NMI: variants seen among roughly 807,000 people sequenced by gnomAD.
The protein encoded by NMI is N-myc-interactor.
NMI carries 39 observed loss-of-function variants against 34.3 expected under a neutral mutation model. That is an observed-to-expected ratio of 1.14 (90% CI 0.88 to 1.49). The LOEUF is 1.49. Ranked by LOEUF, NMI falls within the 40% of genes most tolerant of loss-of-function variation. The pLI, the probability that NMI is intolerant of heterozygous loss-of-function variation, is 0.00. For synonymous variants in NMI, 113 were observed against 120.3 expected (o/e 0.94, Z 0.40); for missense variants, 339 against 358.1 (o/e 0.95, Z 0.43).
intron 4 of NMI, among the ~76,000 whole-genome samples, chr2:151,276,767 T>C (rs1306485982): frequency 6.6e-6 from 1 of 152,224 alleles, no homozygotes; most frequent in Non-Finnish European, 1.5e-5. Context: ...GGCTGGAACA[T>C]CAAAGAGTGA....
chr2:151,282,994 A>T (rs1314069730), intron 1 of NMI, 40 bp from the exon 2 acceptor site: 2 of 971,200 alleles, frequency 2.1e-6, no homozygotes, highest in Non-Finnish European at 3.0e-6. Flanking sequence ...CATAGCATAT[A>T]TACACAAATT....
intron 4 of NMI, chr2:151,278,001 T>C (rs1683320294): frequency 6.6e-6 from 1 of 152,234 alleles, no homozygotes. Context: ...TTATCTTCTT[T>C]AAGCTTCTGT....
Position 151,270,676 on chromosome 2 carries a change from T to A in NMI, c.*17A>T. ...AATCCGGGTTAAAAAGCTATAGTTT[T>A]CATGATTCTGTTAAGTCTATTCTTC... On this transcript the variant is annotated 3_prime_UTR_variant, in exon 8 of 8. Transcript: ENST00000243346. 1 of 1,582,038 alleles carries A rather than the reference T, an allele frequency of 6.3e-7. No individual in the cohort carries two copies. The highest frequency in any genetic ancestry group is 8.6e-7 in the Non-Finnish European group (1 of 1,161,272).
At chr2:151,285,901 C>T (rs1683487854) in intron 1 of NMI, among the ~76,000 whole-genome samples, 1 of 151,976 alleles carries the variant, frequency 6.6e-6, no homozygotes, top group Admixed American at 6.6e-5. Flanking sequence ...ACACAGAATC[C>T]ACCTTGAGAT....
chr2:151,272,374 TCA>T (rs1269964782), intron 6 of NMI, among the ~76,000 whole-genome samples: 2 of 152,216 alleles, frequency 1.3e-5, no homozygotes, highest in Non-Finnish European at 2.9e-5. Flanking sequence ...ATGACTCTTC[TCA>T]CTCATCTACC....
At chr2:151,283,150 T>C (rs904296402) in intron 1 of NMI, among the ~76,000 whole-genome samples, 196 bp from the exon 2 acceptor site, 1 of 150,470 alleles carries the variant, frequency 6.6e-6, no homozygotes, top group African/African-American at 2.5e-5. Context: ...CTTTTTTTTT[T>C]CTTTTTTTGA....
At chr2:151,288,119 G>T (rs1339680404) in intron 1 of NMI, among the ~76,000 whole-genome samples, 2 of 152,114 alleles carry the variant, frequency 1.3e-5, no homozygotes, top group Non-Finnish European at 2.9e-5. Context: ...CATGTAGTAG[G>T]CAAAACAATG....
intron 1 of NMI, among the ~76,000 whole-genome samples, chr2:151,286,293 G>T (rs1683494942): frequency 6.6e-6 from 1 of 152,114 alleles, no homozygotes; most frequent in African/African-American, 2.4e-5. Context: ...CAAATTGAGG[G>T]GTTCTACAAT....
At chr2:151,279,048 C>G in intron 3 of NMI, 58 bp from the exon 4 acceptor site, 1 of 1,165,696 alleles carries the variant, frequency 8.6e-7, no homozygotes, top group East Asian at 2.4e-5. Context: ...TAAGTCCTTC[C>G]AATGATAATG....
At chr2:151,280,442 A>G (rs900624286) in intron 3 of NMI, among the ~76,000 whole-genome samples, 2 of 152,164 alleles carry the variant, frequency 1.3e-5, no homozygotes, top group African/African-American at 4.8e-5. Flanking sequence ...GGAACTTCTG[A>G]TTACGGTAAG....
chr2:151,286,893 A>C (rs765830491), intron 1 of NMI, among the ~76,000 whole-genome samples: 1 of 152,008 alleles, frequency 6.6e-6, no homozygotes, highest in Non-Finnish European at 1.5e-5. Context: ...TCACTATGTG[A>C]TTTTTTTCCC....
intron 6 of NMI, among the ~76,000 whole-genome samples, 192 bp from the exon 7 acceptor site, chr2:151,271,924 T>G (rs1351563790): frequency 6.6e-6 from 1 of 152,164 alleles, no homozygotes; most frequent in African/African-American, 2.4e-5. Context: ...CAAACAATAA[T>G]GAGGTTTAAA....
chr2:151,285,408 T>TAGAC (rs1221793841), intron 1 of NMI, among the ~76,000 whole-genome samples: 55 of 150,864 alleles, frequency 3.6e-4, no homozygotes, highest in African/African-American at 1.3e-3. Flanking sequence ...GATAGATAAA[T>TAGAC]AGACAGACAG....
chr2:151,288,580 T>A (rs939925069), intron 1 of NMI, among the ~76,000 whole-genome samples: 1 of 150,874 alleles, frequency 6.6e-6, no homozygotes, highest in Non-Finnish European at 1.5e-5. Context: ...TGTGTGTGTG[T>A]GTGTGTGCGC....
chr2:151,272,822 A>C (rs1348655125), intron 6 of NMI, among the ~76,000 whole-genome samples: 1 of 152,208 alleles, frequency 6.6e-6, no homozygotes, highest in Non-Finnish European at 1.5e-5. Flanking sequence ...TAACCAAAAT[A>C]AGACAGACAG....
chr2:151,286,647 A>C (rs952342301), intron 1 of NMI, among the ~76,000 whole-genome samples: 6 of 152,190 alleles, frequency 3.9e-5, no homozygotes, highest in Non-Finnish European at 5.9e-5. Context: ...CTGAGTTTTT[A>C]ATTCTGAATT....
chr2:151,273,347 T>C (rs1157844946), intron 6 of NMI, among the ~76,000 whole-genome samples: 1 of 152,182 alleles, frequency 6.6e-6, no homozygotes, highest in East Asian at 1.9e-4. Flanking sequence ...TACCTTCACA[T>C]CCTTCAGTAG....
At chr2:151,273,746 T>C (rs1221066889) in intron 6 of NMI, among the ~76,000 whole-genome samples, 1 of 152,106 alleles carries the variant, frequency 6.6e-6, no homozygotes, top group African/African-American at 2.4e-5. Context: ...GGTCTTGAAC[T>C]CCTGGCCTCA....
intron 3 of NMI, among the ~76,000 whole-genome samples, chr2:151,280,261 G>A (rs1683365164): frequency 2.0e-5 from 3 of 151,570 alleles, no homozygotes; most frequent in Admixed American, 6.6e-5. Flanking sequence ...AGAATTATTG[G>A]GATTAACAGA....
Sources: allele counts gnomAD v4.1 joint callset (sites outside exome capture counted in the v4.1 genomes callset), GRCh38; gene constraint gnomAD v4.1.1; transcripts MANE v1.5; gene names NCBI Gene and HGNC (gene_info 2026-07-23, HGNC 2026-07-21).